Variants in LDLRAD3 observed in about 807,000 individuals in gnomAD.
The protein encoded by LDLRAD3 is low density lipoprotein receptor class A domain containing 3, also known as low-density lipoprotein receptor class A domain-containing protein 3.
Under a neutral mutation model 29.4 loss-of-function variants are expected in LDLRAD3, and 20 were observed. The ratio of observed to expected loss-of-function variants is 0.68; its 90% CI spans 0.48 to 0.99. LDLRAD3 has a LOEUF of 0.99. Ranked by LOEUF, LDLRAD3 falls within the 50% of genes least tolerant of loss-of-function variation. The pLI, the probability that LDLRAD3 is intolerant of heterozygous loss-of-function variation, is 0.00. For missense variants in LDLRAD3, 420 were observed against 454.3 expected, an observed-to-expected ratio of 0.92 and a Z score of 0.69; for synonymous variants, 157 against 192.7, an observed-to-expected ratio of 0.81 and a Z score of 1.53.
intron 2 of LDLRAD3, among the ~76,000 whole-genome samples, chr11:36,040,147 G>C (rs1172955415): frequency 7.0e-6 from 1 of 142,870 alleles, no homozygotes; most frequent in Non-Finnish European, 1.5e-5. Context: ...TGGAGCTTTG[G>C]CATTGGAAAG....
chr11:36,133,951 C>A (rs1331585389), intron 4 of LDLRAD3, among the ~76,000 whole-genome samples: 1 of 151,004 alleles, frequency 6.6e-6, no homozygotes, highest in Non-Finnish European at 1.5e-5. Flanking sequence ...GTTCCTTCTT[C>A]CCTCTTTCAG....
chr11:36,195,299 A>C (rs201337588), intron 4 of LDLRAD3, among the ~76,000 whole-genome samples: 1 of 104,374 alleles, frequency 9.6e-6, no homozygotes, highest in South Asian at 3.2e-4. Flanking sequence ...CTAGAAGCAT[A>C]GAAGCATCGT....
intron 4 of LDLRAD3, among the ~76,000 whole-genome samples, chr11:36,160,653 A>T (rs1480306028): frequency 6.6e-6 from 1 of 151,900 alleles, no homozygotes; most frequent in East Asian, 1.9e-4. Context: ...GGTTCTTTTC[A>T]TAGGTATCGT....
Position 36,128,381 on chromosome 11 carries a change from G to A in LDLRAD3, c.454+29920G>A, listed in dbSNP as rs541970570. Among the ~76,000 whole-genome samples, 16 of 152,092 alleles carry A rather than the reference G, an allele frequency of 1.1e-4. 1 individual carries two copies. The South Asian group carries it at 3.3e-3, about 32-fold the overall frequency. On this transcript the variant is annotated intron_variant, in intron 4 of 5. Coordinates refer to ENST00000315571, the MANE Select transcript of LDLRAD3 (RefSeq NM_174902.4). ...AGCCTTGTGCTGGATGCTTCAACAA[G>A]TGAAGCTTACCAAACCACCATGCAC... is the stretch of plus-strand genomic sequence containing the variant.
intron 4 of LDLRAD3, among the ~76,000 whole-genome samples, chr11:36,118,494 T>G (rs560263697): frequency 8.7e-6 from 1 of 114,408 alleles, no homozygotes; most frequent in Admixed American, 1.1e-4. Flanking sequence ...AAAGTAAGAG[T>G]GAGTGTGTGT....
Position 35,957,972 on chromosome 11 carries a change from A to C in LDLRAD3, c.46+13828A>C, listed in dbSNP as rs562663541. On this transcript the variant is annotated intron_variant, in intron 1 of 5. Transcript: ENST00000315571. ...CAGTGAAATAGTTTGCAATGTGTAC[A>C]AAAGTTTGGCAATGAGGATACCTGT... Among the ~76,000 whole-genome samples, 6 of 152,318 alleles carry C rather than the reference A, an allele frequency of 3.9e-5. No homozygotes were observed. The East Asian group carries it at 1.2e-3, about 29-fold the overall frequency.
At chr11:35,960,778 G>A (rs1336084591) in intron 1 of LDLRAD3, among the ~76,000 whole-genome samples, 1 of 152,118 alleles carries the variant, frequency 6.6e-6, no homozygotes, top group Non-Finnish European at 1.5e-5. Flanking sequence ...TGTATTTTTA[G>A]TAGAGACGGA....
chr11:36,075,923 G>A (rs1590246325), intron 2 of LDLRAD3, among the ~76,000 whole-genome samples: 1 of 152,178 alleles, frequency 6.6e-6, no homozygotes, highest in Non-Finnish European at 1.5e-5. Context: ...CTTTTGACAT[G>A]CCCCCATGAT....
chr11:36,047,938 C>T (rs1191185759), intron 2 of LDLRAD3, among the ~76,000 whole-genome samples: 2 of 152,168 alleles, frequency 1.3e-5, no homozygotes, highest in African/African-American at 2.4e-5. Flanking sequence ...ATCTCAGTTC[C>T]TTCATCTGGG....
chr11:36,161,451 G>A (rs1425347731), intron 4 of LDLRAD3, among the ~76,000 whole-genome samples: 2 of 152,040 alleles, frequency 1.3e-5, no homozygotes, highest in African/African-American at 2.4e-5. Flanking sequence ...AATATATGAT[G>A]TATTTATAAA....
At chr11:36,049,031 A>G (rs1401711819) in intron 2 of LDLRAD3, among the ~76,000 whole-genome samples, 3 of 152,072 alleles carry the variant, frequency 2.0e-5, no homozygotes, top group Admixed American at 2.0e-4. Flanking sequence ...AATAACTCTG[A>G]GCTGGGGGGC....
At chr11:35,988,049 GC>G (rs2133163949) in intron 1 of LDLRAD3, among the ~76,000 whole-genome samples, 1 of 152,190 alleles carries the variant, frequency 6.6e-6, no homozygotes, top group East Asian at 1.9e-4. Flanking sequence ...CCACTTGTAT[GC>G]CTTCTTTTTT....
At chr11:35,974,550 C>A (rs949657920) in intron 1 of LDLRAD3, among the ~76,000 whole-genome samples, 1 of 152,228 alleles carries the variant, frequency 6.6e-6, no homozygotes, top group African/African-American at 2.4e-5. Context: ...TTATCTGAGA[C>A]TCGACTGGGG....
intron 4 of LDLRAD3, among the ~76,000 whole-genome samples, chr11:36,194,019 T>C (rs542151798): frequency 6.6e-6 from 1 of 152,356 alleles, no homozygotes; most frequent in South Asian, 2.1e-4. Flanking sequence ...CACATGAGAT[T>C]ATTATTACAT....
chr11:36,180,719 G>A (rs1484467189), intron 4 of LDLRAD3, among the ~76,000 whole-genome samples: 5 of 152,036 alleles, frequency 3.3e-5, no homozygotes, highest in Non-Finnish European at 7.3e-5. Flanking sequence ...ACATGAGGAA[G>A]CAGATGGGAG....
chr11:36,181,871 G>C (rs1180847519), intron 4 of LDLRAD3, among the ~76,000 whole-genome samples: 2 of 152,114 alleles, frequency 1.3e-5, no homozygotes, highest in Admixed American at 1.3e-4. Context: ...GTTGTCAACC[G>C]TCTCCTCTCT....
intron 1 of LDLRAD3, among the ~76,000 whole-genome samples, chr11:36,005,798 G>T (rs1465650113): frequency 2.0e-5 from 3 of 152,140 alleles, no homozygotes; most frequent in African/African-American, 4.8e-5. Context: ...GAGGCCTCAG[G>T]CAACTTAAAA....
intron 1 of LDLRAD3, among the ~76,000 whole-genome samples, chr11:35,993,849 T>C (rs1420328898): frequency 6.6e-6 from 1 of 152,210 alleles, no homozygotes; most frequent in South Asian, 2.1e-4. Flanking sequence ...CTGTTTTTTT[T>C]CCACCAAGTT....
At chr11:36,060,756 A>C (rs1443592874) in intron 2 of LDLRAD3, among the ~76,000 whole-genome samples, 1 of 152,204 alleles carries the variant, frequency 6.6e-6, no homozygotes, top group Non-Finnish European at 1.5e-5. Flanking sequence ...TTTTGGTCAC[A>C]AGGAAACTCA....
Sources: allele counts gnomAD v4.1 joint callset (sites outside exome capture counted in the v4.1 genomes callset), GRCh38; gene constraint gnomAD v4.1.1; transcripts MANE v1.5; gene names NCBI Gene and HGNC (gene_info 2026-07-23, HGNC 2026-07-21).